ITPKB: variants seen among roughly 807,000 people sequenced by gnomAD.
ITPKB encodes the protein IP3 3-kinase B.
ITPKB carries 13 observed loss-of-function variants against 69.4 expected under a neutral mutation model. That is an observed-to-expected ratio of 0.19 (90% CI 0.12 to 0.30). ITPKB has a LOEUF of 0.30. Ranked by LOEUF, ITPKB falls within the 10% of genes least tolerant of loss-of-function variation. The pLI is 1.00. For synonymous variants in ITPKB, 584 were observed against 513.7 expected, an observed-to-expected ratio of 1.14 and a Z score of -1.85; for missense variants, 1,240 against 1,250.5, an observed-to-expected ratio of 0.99 and a Z score of 0.13.
At chr1:226,653,917 G>C (rs1185932871) in intron 2 of ITPKB, among the ~76,000 whole-genome samples, 1 of 152,192 alleles carries the variant, frequency 6.6e-6, no homozygotes, top group Non-Finnish European at 1.5e-5. Context: ...AGGCAGGGTG[G>C]GCAGTGCCTG....
At chr1:226,734,886 A>G (rs1198761922) in intron 2 of ITPKB, among the ~76,000 whole-genome samples, 3 of 152,188 alleles carry the variant, frequency 2.0e-5, no homozygotes, top group Admixed American at 6.5e-5. Context: ...AGCTCAAAGT[A>G]TGGTTTTCAT....
intron 4 of ITPKB, among the ~76,000 whole-genome samples, chr1:226,646,188 G>T (rs955340683): frequency 5.9e-5 from 9 of 152,220 alleles, no homozygotes; most frequent in East Asian, 3.8e-4. Flanking sequence ...AGCATGGGGG[G>T]GCTTGGCATC....
chr1:226,633,273 C>G lies in ITPKB; in HGVS notation c.*1398G>C. ...GTGGGCAGTGGTTCCTCCAGACACA[C>G]ACACCTTGGTCCATAGTCTCCCTCT... On this transcript the variant is annotated 3_prime_UTR_variant, in exon 8 of 8. Transcript: ENST00000429204. 6.6e-6 allele frequency: 1 copy of G among 152,294 alleles called. No individual in the cohort carries two copies. The highest frequency in any genetic ancestry group is 1.9e-4 in the East Asian group (1 of 5,200). The allele number at this position is 152,294 out of a possible 1,614,324, so 9.4% of individuals were successfully genotyped here.
chr1:226,721,957 G>T (rs1657256354), intron 2 of ITPKB, among the ~76,000 whole-genome samples: 1 of 151,762 alleles, frequency 6.6e-6, no homozygotes, highest in African/African-American at 2.4e-5. Flanking sequence ...GGGATTACAG[G>T]CGCGCACCAC....
intron 2 of ITPKB, chr1:226,707,320 C>T (rs1178150505): frequency 5.0e-6 from 1 of 198,946 alleles, no homozygotes; most frequent in Non-Finnish European, 9.0e-6. Flanking sequence ...CTCAGCCTCC[C>T]AAGTAGCTGG....
At chr1:226,718,751 C>G (rs1162702647) in intron 2 of ITPKB, among the ~76,000 whole-genome samples, 1 of 152,200 alleles carries the variant, frequency 6.6e-6, no homozygotes, top group East Asian at 1.9e-4. Context: ...CTGCAGCACT[C>G]ATACACTGCT....
At chr1:226,646,139 G>C (rs1424283761) in intron 4 of ITPKB, among the ~76,000 whole-genome samples, 1 of 152,176 alleles carries the variant, frequency 6.6e-6, no homozygotes, top group African/African-American at 2.4e-5. Context: ...TCTGAGCTCT[G>C]AGTCTCCGTG....
intron 4 of ITPKB, among the ~76,000 whole-genome samples, chr1:226,645,602 C>T (rs1669044594): frequency 1.3e-5 from 2 of 152,328 alleles, no homozygotes; most frequent in South Asian, 2.1e-4. Context: ...GATTATTCTC[C>T]ATGTGGTCAC....
chr1:226,725,342 T>C (rs1046278901), intron 2 of ITPKB, among the ~76,000 whole-genome samples: 5 of 151,706 alleles, frequency 3.3e-5, no homozygotes, highest in Non-Finnish European at 5.9e-5. Context: ...CTTCTCAAAG[T>C]GGGCAGCCAC....
Position 226,663,479 on chromosome 1 carries a change from T to G in ITPKB, c.1933-14708A>C, listed in dbSNP as rs560640159. Among the ~76,000 whole-genome samples the G allele has an allele frequency of 2.6e-5, 4 of 152,172 alleles. No individual in the cohort carries two copies. The East Asian group carries it at 7.7e-4, about 29-fold the overall frequency. On this transcript the variant is annotated intron_variant, in intron 2 of 7. Transcript: ENST00000429204. Reference sequence around the variant, plus strand: ...GAAACTGTTTCCTTCACTTCTTGCTTTAGGCTACAATGATTCAACATTTCT... The same window carrying G: ...GAAACTGTTTCCTTCACTTCTTGCTGTAGGCTACAATGATTCAACATTTCT...
At chr1:226,674,592 C>T (rs997785637) in intron 2 of ITPKB, among the ~76,000 whole-genome samples, 1 of 152,118 alleles carries the variant, frequency 6.6e-6, no homozygotes, top group African/African-American at 2.4e-5. Context: ...CCTTGGCCTC[C>T]CAAAGTGCTG....
intron 5 of ITPKB, 91 bp from the exon 6 acceptor site, chr1:226,639,749 AG>A: frequency 2.3e-6 from 2 of 859,148 alleles, no homozygotes; most frequent in Non-Finnish European, 3.9e-6. Flanking sequence ...AGAGCAGGCG[AG>A]CCCCATCTGA....
intron 2 of ITPKB, among the ~76,000 whole-genome samples, chr1:226,710,339 C>T (rs1201855124): frequency 6.6e-6 from 1 of 152,212 alleles, no homozygotes; most frequent in Non-Finnish European, 1.5e-5. Flanking sequence ...TAGGGGCCAG[C>T]TACGTAAGTT....
chr1:226,635,988 A>G (rs1404334431), intron 7 of ITPKB, among the ~76,000 whole-genome samples: 3 of 152,206 alleles, frequency 2.0e-5, no homozygotes, highest in African/African-American at 7.2e-5. Flanking sequence ...GAGCCCAAAA[A>G]AGGGGCTTCC....
Position 226,736,758 on chromosome 1 carries a change from A to G in ITPKB, c.701T>C (p.Met234Thr), listed in dbSNP as rs1252897177. 6.2e-7 allele frequency: 1 copy of G among 1,613,012 alleles called. No individual in the cohort carries two copies. Among genetic ancestry groups the G allele is most frequent in the Non-Finnish European group, 8.5e-7 (1 of 1,179,984 alleles). ...SLCSSQVKKGMPPLPGRAAPT... is the reference protein window; with the variant it reads ...SLCSSQVKKGTPPLPGRAAPT... The stretch of plus-strand genomic sequence containing the variant: ...GGCAGCCCGGCCGGGAAGAGGTGGC[A>G]TTCCTTTCTTCACCTGCGAGGAGCA... The change falls in exon 2 of 8, where the codon ATG becomes ACG. Residue 234 changes from methionine to threonine, a missense_variant. This residue lies in a region of ITPKB where 992 missense variants were observed against 853.8 expected (regional missense o/e 1.16). Transcript: ENST00000429204.
intron 2 of ITPKB, among the ~76,000 whole-genome samples, chr1:226,656,072 C>A (rs1482311390): frequency 6.6e-6 from 1 of 152,224 alleles, no homozygotes; most frequent in African/African-American, 2.4e-5. Flanking sequence ...ACTGAGGATG[C>A]TCAGGACTTA....
chr1:226,694,888 C>G (rs1029426192), intron 2 of ITPKB, among the ~76,000 whole-genome samples: 9 of 152,222 alleles, frequency 5.9e-5, no homozygotes, highest in African/African-American at 2.2e-4. Context: ...AAAAGTTAAC[C>G]AGGGCAGTAT....
At chr1:226,697,869 G>C (rs1205221664) in intron 2 of ITPKB, among the ~76,000 whole-genome samples, 1 of 152,150 alleles carries the variant, frequency 6.6e-6, no homozygotes, top group Admixed American at 6.5e-5. Flanking sequence ...GGGTGATAAG[G>C]GGTCCCCAAG....
At chr1:226,692,127 G>A (rs1656372564) in intron 2 of ITPKB, among the ~76,000 whole-genome samples, 1 of 152,222 alleles carries the variant, frequency 6.6e-6, no homozygotes, top group Non-Finnish European at 1.5e-5. Flanking sequence ...TTTTATACAT[G>A]AGGAAATGGA....
Sources: allele counts gnomAD v4.1 joint callset (sites outside exome capture counted in the v4.1 genomes callset), GRCh38; gene constraint gnomAD v4.1.1; regional missense constraint gnomAD v4.1.1; transcripts MANE v1.5; gene names NCBI Gene and HGNC (gene_info 2026-07-23, HGNC 2026-07-21).